The following MAP3K9 variants were observed in gnomAD, a reference collection of about 807,000 sequenced individuals.
MAP3K9 encodes the protein mixed lineage kinase 1 (tyr and ser/thr specificity).
Under a neutral mutation model 95.8 loss-of-function variants are expected in MAP3K9, and 46 were observed. That is an observed-to-expected ratio of 0.48 (90% CI 0.38 to 0.61). The LOEUF is 0.61. Among genes scored for constraint, MAP3K9 ranks in the 20% least tolerant of loss-of-function variants. MAP3K9 has a pLI of 0.00. For synonymous variants in MAP3K9, 533 were observed against 593.8 expected (o/e 0.90, Z 1.49); for missense variants, 1,296 against 1,474.3 (o/e 0.88, Z 1.98).
intron 2 of MAP3K9, among the ~76,000 whole-genome samples, chr14:70,774,193 T>G (rs1322031117): frequency 6.6e-6 from 1 of 152,180 alleles, no homozygotes; most frequent in South Asian, 2.1e-4. Flanking sequence ...CTGTGCTAAA[T>G]AGGCAAGGGG....
In MAP3K9 at chr14:70,736,004, T is replaced by A. The variant is rs1427780034; in HGVS notation, c.1870A>T (p.Asn624Tyr). 2 of 1,613,334 alleles carry A rather than the reference T, an allele frequency of 1.2e-6. No individual in the cohort carries two copies. Among genetic ancestry groups the A allele is most frequent in the African/African-American group, 2.7e-5 (2 of 74,874 alleles). The change falls in exon 9 of 12, where the codon AAT (asparagine) becomes TAT (tyrosine). Residue 624 changes from asparagine (N) to tyrosine (Y), a missense_variant. Asn to Tyr is a moderately radical substitution (Grantham distance 143). This residue lies in a region of MAP3K9 where 377 missense variants were observed against 417.1 expected (regional missense o/e 0.90). Coordinates refer to ENST00000554752, the MANE Select transcript of MAP3K9 (RefSeq NM_001284230.2). ...GATTCTGATGGGGTACTTAAACCAT[T>A]AGCTTTCTCACGTCTCTGAGGGGAT... ...EGSPQRREKA[N>Y]GLSTPSESPH...
intron 2 of MAP3K9, among the ~76,000 whole-genome samples, chr14:70,797,477 C>T (rs1260001582): frequency 6.6e-6 from 1 of 152,040 alleles, no homozygotes; most frequent in Non-Finnish European, 1.5e-5. Context: ...CTGGCTCACG[C>T]CTGTAGTCCC....
In MAP3K9 at chr14:70,800,995, T is replaced by C. The variant is rs758110290; in HGVS notation, c.492A>G (p.Ile164Met). 1 of 1,614,118 alleles carries C rather than the reference T, an allele frequency of 6.2e-7. No homozygotes were observed. Among genetic ancestry groups the C allele is most frequent in the Non-Finnish European group, 8.5e-7 (1 of 1,180,016 alleles). Reference sequence around the variant, plus strand: ...CTGCTTTCACAGCAACCTCATCCCCTATCCAGAAAGCACGATAGACCTTCC... The same window carrying C: ...CTGCTTTCACAGCAACCTCATCCCCCATCCAGAAAGCACGATAGACCTTCC... ...GFGKVYRAFW[I>M]GDEVAVKAAR... The change falls in exon 2 of 12, where the codon ATA (isoleucine) becomes ATG (methionine). Residue 164 changes from isoleucine to methionine, a missense_variant. By Grantham distance (10) the Ile-to-Met change is conservative. Around this residue, in one of 5 missense-constraint regions of MAP3K9, gnomAD observed 338 missense variants for 363.4 expected, o/e 0.93. Transcript: ENST00000554752.
At chr14:70,774,926 G>A (rs1187523354) in intron 2 of MAP3K9, among the ~76,000 whole-genome samples, 1 of 126,504 alleles carries the variant, frequency 7.9e-6, no homozygotes, top group African/African-American at 3.0e-5. Flanking sequence ...AGAGGTTGCA[G>A]TAAGCCAAGA....
intron 2 of MAP3K9, among the ~76,000 whole-genome samples, chr14:70,799,173 A>G (rs2054900624): frequency 7.1e-6 from 1 of 141,716 alleles, no homozygotes; most frequent in Non-Finnish European, 1.6e-5. Context: ...TACTACTTAC[A>G]TAATTTTTTT....
chr14:70,774,332 C>T lies in MAP3K9; in HGVS notation c.821-13150G>A, dbSNP rs541402266. ...TTATTACAAGGCTTGTAATATATTT[C>T]GGCTTTTTAAACTAGATTATGTACA... On this transcript the variant is annotated intron_variant, in intron 2 of 11. Coordinates refer to ENST00000554752, the MANE Select transcript of MAP3K9 (RefSeq NM_001284230.2). 2.2e-4 allele frequency among the ~76,000 whole-genome samples: 33 copies of T among 152,290 alleles called. No individual in the cohort carries two copies. The East Asian group carries it at 2.5e-3, about 12-fold the overall frequency.
In MAP3K9 at chr14:70,728,781, T is replaced by G. The variant is rs1479880793; in HGVS notation, c.*1599A>C. On this transcript the variant is annotated 3_prime_UTR_variant, in exon 12 of 12. Transcript: ENST00000554752. ...AGAGCAGTGACCAATTCATCACTGT[T>G]GCCAGCTGCACATCCAGGCAGCAAA... 6.6e-6 allele frequency: 1 copy of G among 152,232 alleles called. No individual in the cohort carries two copies. The highest frequency in any genetic ancestry group is 1.9e-4 in the East Asian group (1 of 5,202). The allele number at this position is 152,232 out of a possible 1,614,324, so 9.4% of individuals were successfully genotyped here. A position where few individuals can be genotyped will look rare whatever the true frequency, so the allele number is the denominator to read the frequency against.
intron 2 of MAP3K9, among the ~76,000 whole-genome samples, chr14:70,797,129 G>A (rs1164217600): frequency 6.6e-6 from 1 of 152,078 alleles, no homozygotes; most frequent in East Asian, 1.9e-4. Context: ...ATCATCAACT[G>A]CTTTCTCTTT....
At chr14:70,803,361 A>AAAAAAAT (rs2054954221) in intron 1 of MAP3K9, among the ~76,000 whole-genome samples, 1 of 141,444 alleles carries the variant, frequency 7.1e-6, no homozygotes, top group Non-Finnish European at 1.6e-5. Flanking sequence ...AAAAAAAAAA[A>AAAAAAAT]ACTGAACTGG....
At chr14:70,795,322 T>A (rs1025971869) in intron 2 of MAP3K9, among the ~76,000 whole-genome samples, 1 of 150,374 alleles carries the variant, frequency 6.7e-6, no homozygotes, top group Non-Finnish European at 1.5e-5. Context: ...TTATTTATTT[T>A]TTTTGAGATA....
intron 2 of MAP3K9, among the ~76,000 whole-genome samples, chr14:70,768,738 G>A (rs2054491440): frequency 6.6e-6 from 1 of 152,116 alleles, no homozygotes; most frequent in African/African-American, 2.4e-5. Flanking sequence ...TGGCATCACT[G>A]AGGAGACTCT....
At chr14:70,800,527 T>A in intron 2 of MAP3K9, 140 bp downstream of exon 2, 1 of 839,096 alleles carries the variant, frequency 1.2e-6, no homozygotes, top group Non-Finnish European at 1.9e-6. Flanking sequence ...ACCTCCTACA[T>A]CTCCATTCAA....
intron 6 of MAP3K9, among the ~76,000 whole-genome samples, chr14:70,741,870 C>A (rs554213345): frequency 6.6e-6 from 1 of 152,236 alleles, no homozygotes. Flanking sequence ...TCACTTGAAC[C>A]GGGGAGGTGG....
In MAP3K9 at chr14:70,737,244, C is replaced by T. The variant is rs575728139; in HGVS notation, c.1844+1001G>A. 1.5e-4 allele frequency among the ~76,000 whole-genome samples: 23 copies of T among 152,308 alleles called. 1 individual carries two copies. The highest frequency in any genetic ancestry group is 3.4e-4 in the African/African-American group (14 of 41,574). The stretch of plus-strand genomic sequence containing the variant: ...TGTCATCACAGCTAATATTTACATA[C>T]GCTCACTATGGGCCAGCTCATCCTC... On this transcript the variant is annotated intron_variant, in intron 8 of 11. Coordinates refer to ENST00000554752, the MANE Select transcript of MAP3K9 (RefSeq NM_001284230.2).
At chr14:70,785,322 G>A (rs905292320) in intron 2 of MAP3K9, among the ~76,000 whole-genome samples, 1 of 152,232 alleles carries the variant, frequency 6.6e-6, no homozygotes, top group Non-Finnish European at 1.5e-5. Context: ...AGGATCCCCA[G>A]TGGATGCCCC....
chr14:70,784,338 C>A (rs2054720896), intron 2 of MAP3K9, among the ~76,000 whole-genome samples: 1 of 151,950 alleles, frequency 6.6e-6, no homozygotes, highest in South Asian at 2.1e-4. Context: ...AAAACCACAA[C>A]ACAAACACAA....
In MAP3K9 at chr14:70,809,463, T is replaced by G; in HGVS notation, c.-292A>C. On this transcript the variant is annotated 5_prime_UTR_variant, in exon 1 of 12. Coordinates refer to ENST00000554752, the MANE Select transcript of MAP3K9 (RefSeq NM_001284230.2). ...CGTCACCTCTGCCGCCGGTACCTGC[T>G]CGCGCAGCCGGTGCCCGCCGCTGCC... The G allele has an allele frequency of 8.9e-6, 2 of 225,780 alleles. No individual in the cohort carries two copies. Among genetic ancestry groups the G allele is most frequent in the Non-Finnish European group, 8.6e-6 (1 of 116,742 alleles). 14.0% of individuals were successfully genotyped at this position (225,780 alleles called of 1,614,324 possible). A position where few individuals can be genotyped will look rare whatever the true frequency, so the allele number is the denominator to read the frequency against.
chr14:70,808,796 C>T lies in MAP3K9; in HGVS notation c.376G>A (p.Glu126Lys), dbSNP rs1371678929. The T allele has an allele frequency of 1.3e-6, 2 of 1,590,218 alleles. No homozygotes were observed. The highest frequency in any genetic ancestry group is 1.2e-5 in the South Asian group (1 of 86,934). ...ATGGGCGGGTAGCAACTGGGGTCCT[C>T]GCCGCCGGGCTGGCAGCGGCTGGAG... ...AFSSRCQPGG[E>K]DPSCYPPIQL... The change falls in exon 1 of 12, where the codon GAG becomes AAG. Residue 126 changes from glutamate (E) to lysine (K), a missense_variant. Physicochemically the swap from Glu to Lys is moderately conservative, Grantham distance 56 (BLOSUM62 1). Transcript: ENST00000554752.
Position 70,733,332 on chromosome 14 carries a change from G to A in MAP3K9, c.2037C>T (p.Asp679=). 1 of 1,326,540 alleles carries A rather than the reference G, an allele frequency of 7.5e-7. No homozygotes were observed. The allele number at this position is 1,326,540 out of a possible 1,614,324, so 82.2% of individuals were successfully genotyped here. The change falls in exon 11 of 12, where the codon GAC becomes GAT. Residue 679 remains aspartate (D), a synonymous_variant. Transcript: ENST00000554752. ...TCTCTCCACTCCCTGGGCCTTCACT[G>A]TCCTCATCCTCTGTGAAGATGACAA... is the stretch of plus-strand genomic sequence containing the variant. ...FTSLMEMEDE[D]SEGPGSGESR... is the part of the protein sequence containing the mutation.
Sources: gnomAD v4.1 joint callset for allele counts (sites outside exome capture counted in the v4.1 genomes callset) on GRCh38, gnomAD v4.1.1 for gene constraint, gnomAD v4.1.1 regional missense constraint, MANE v1.5 for transcripts, NCBI Gene and HGNC (gene_info 2026-07-23, HGNC 2026-07-21) for gene names.